ACAP2: variants seen among roughly 807,000 people sequenced by gnomAD.
The protein encoded by ACAP2 is arf-GAP with coiled-coil, ANK repeat and PH domain-containing protein 2.
Under a neutral mutation model 115.8 loss-of-function variants are expected in ACAP2, and 39 were observed. That is an observed-to-expected ratio of 0.34 (90% CI 0.26 to 0.44). The LOEUF is 0.44. Ranked by LOEUF, ACAP2 falls within the 20% of genes least tolerant of loss-of-function variation. The pLI is 1.00. For synonymous variants in ACAP2, 289 were observed against 315.8 expected (o/e 0.92, Z 0.90); for missense variants, 662 against 927.6 (o/e 0.71, Z 3.72).
intron 4 of ACAP2, among the ~76,000 whole-genome samples, chr3:195,347,917 C>T (rs1731288625): frequency 6.6e-6 from 1 of 151,952 alleles, no homozygotes; most frequent in African/African-American, 2.4e-5. Context: ...GAGACTAAGG[C>T]AAGAGAATCA....
intron 4 of ACAP2, among the ~76,000 whole-genome samples, chr3:195,369,992 C>T (rs140290994): frequency 6.6e-6 from 1 of 152,256 alleles, no homozygotes; most frequent in African/African-American, 2.4e-5. Context: ...TTTTGAGTTG[C>T]ATTTCTCTAA....
intron 10 of ACAP2, among the ~76,000 whole-genome samples, chr3:195,317,786 A>G (rs1729192961): frequency 6.6e-6 from 1 of 152,130 alleles, no homozygotes; most frequent in South Asian, 2.1e-4. Context: ...AAAAAATCCT[A>G]TTTCCTAAAA....
intron 1 of ACAP2, among the ~76,000 whole-genome samples, chr3:195,435,626 G>C (rs1262098770): frequency 4.6e-5 from 7 of 152,130 alleles, no homozygotes; most frequent in African/African-American, 1.7e-4. Context: ...TTACTTAGAA[G>C]TGTACTGCTA....
intron 15 of ACAP2, among the ~76,000 whole-genome samples, chr3:195,299,491 C>T (rs1264173167): frequency 1.3e-5 from 2 of 148,968 alleles, no homozygotes; most frequent in Non-Finnish European, 3.0e-5. Flanking sequence ...TGCAGTGAGC[C>T]GAGATTGCAC....
intron 1 of ACAP2, among the ~76,000 whole-genome samples, chr3:195,432,445 A>C (rs1045835884): frequency 6.6e-6 from 1 of 152,208 alleles, no homozygotes; most frequent in African/African-American, 2.4e-5. Context: ...TCAAAAGACT[A>C]TTCTTTCACG....
intron 10 of ACAP2, among the ~76,000 whole-genome samples, chr3:195,320,103 T>C (rs1729353343): frequency 6.6e-6 from 1 of 152,202 alleles, no homozygotes. Context: ...AGAAGATGCC[T>C]GCTTTCCCTT....
intron 2 of ACAP2, among the ~76,000 whole-genome samples, chr3:195,384,267 G>A (rs939485192): frequency 2.0e-5 from 3 of 152,078 alleles, no homozygotes; most frequent in Non-Finnish European, 2.9e-5. Context: ...GCCATGAAAG[G>A]TAATACAATT....
Position 195,279,291 on chromosome 3 carries a change from G to A in ACAP2, c.*37C>T. The A allele has an allele frequency of 7.1e-7, 1 of 1,418,318 alleles. No homozygotes were observed. Among genetic ancestry groups the A allele is most frequent in the Non-Finnish European group, 9.9e-7 (1 of 1,013,242 alleles). The allele number at this position is 1,418,318 out of a possible 1,614,324, so 87.9% of individuals were successfully genotyped here. ...ATTTTTTAGCTGTATACATTAGGGG[G>A]TCACCAGATTTCATATTTTCCCATT... is the stretch of plus-strand genomic sequence containing the variant. On this transcript the variant is annotated 3_prime_UTR_variant, in exon 23 of 23. Coordinates refer to ENST00000326793, the MANE Select transcript of ACAP2 (RefSeq NM_012287.6).
intron 13 of ACAP2, among the ~76,000 whole-genome samples, chr3:195,302,905 C>G (rs1359678354): frequency 1.3e-5 from 2 of 151,926 alleles, no homozygotes. Flanking sequence ...GGCAACAGAG[C>G]AAGAGCCTGT....
intron 4 of ACAP2, among the ~76,000 whole-genome samples, chr3:195,378,515 C>CAAAAA (rs61041295): frequency 6.8e-6 from 1 of 148,014 alleles, no homozygotes; most frequent in East Asian, 2.0e-4. Context: ...AACAAACAAA[C>CAAAAA]AAAAAAAAAC....
At chr3:195,370,822 G>C (rs903334490) in intron 4 of ACAP2, among the ~76,000 whole-genome samples, 1 of 151,930 alleles carries the variant, frequency 6.6e-6, no homozygotes, top group African/African-American at 2.4e-5. Flanking sequence ...TATGGTGGTG[G>C]GCACCTGTAA....
Position 195,389,187 on chromosome 3 carries a change from G to A in ACAP2, c.111+2903C>T, listed in dbSNP as rs111494450. On this transcript the variant is annotated intron_variant, in intron 2 of 22. Transcript: ENST00000326793. ...CTTTGGGTAAGACAGACTCTAGAAC[G>A]GGCTTATAGTTCTTAGCACTCAATG... Among the ~76,000 whole-genome samples the A allele has an allele frequency of 2.6e-4, 39 of 152,194 alleles. 1 individual carries two copies. The highest frequency in any genetic ancestry group is 8.7e-4 in the African/African-American group (36 of 41,520).
At chr3:195,383,572 G>GT (rs1055803600) in intron 2 of ACAP2, among the ~76,000 whole-genome samples, 108 of 146,302 alleles carry the variant, frequency 7.4e-4, no homozygotes, top group Admixed American at 2.9e-3. Flanking sequence ...AAAAGAGAAG[G>GT]TTTTTTTTTT....
intron 10 of ACAP2, among the ~76,000 whole-genome samples, chr3:195,313,674 T>C (rs751266385): frequency 6.6e-5 from 10 of 152,198 alleles, no homozygotes; most frequent in Non-Finnish European, 1.2e-4. Flanking sequence ...AAATCCTGTG[T>C]AGTACCTTCT....
rs563551965 is a variant in ACAP2, at chr3:195,422,065, G to A, written c.53+20730C>T. 8.6e-5 allele frequency among the ~76,000 whole-genome samples: 13 copies of A among 151,322 alleles called. No individual in the cohort carries two copies. The East Asian group carries it at 1.6e-3, about 18-fold the overall frequency. ...CCTTCCAGTTCATTTTTTGTGTATC[G>A]AAAAAAAATGAGGTATCAGAGGTTA... On this transcript the variant is annotated intron_variant, in intron 1 of 22. Coordinates refer to ENST00000326793, the MANE Select transcript of ACAP2 (RefSeq NM_012287.6).
intron 21 of ACAP2, among the ~76,000 whole-genome samples, chr3:195,288,174 G>A (rs957735932): frequency 1.1e-4 from 17 of 152,024 alleles, no homozygotes; most frequent in African/African-American, 3.9e-4. Flanking sequence ...TAGCATAAAT[G>A]GCTAAGAACA....
At chr3:195,298,274 G>A (rs1480616059) in intron 15 of ACAP2, among the ~76,000 whole-genome samples, 2 of 70,106 alleles carry the variant, frequency 2.9e-5, no homozygotes, top group Non-Finnish European at 5.6e-5. Context: ...TTTTTTTTTT[G>A]AGACAGAGTC....
At position 195,404,408 on chromosome 3, in the gene ACAP2, A is replaced by G. The variant is rs146976652; in HGVS notation, c.54-12261T>C. Among the ~76,000 whole-genome samples, 752 of 152,312 alleles carry G rather than the reference A, an allele frequency of 4.9e-3. 16 individuals carry two copies. Among genetic ancestry groups the G allele is most frequent in the Admixed American group, 0.04 (609 of 15,290 alleles). ...CCAAAAATGTGCTTCTAAGGAAGAGATAAAATATTTTTAAATATCCCAGAA... is the reference window on the plus strand; with the variant it reads ...CCAAAAATGTGCTTCTAAGGAAGAGGTAAAATATTTTTAAATATCCCAGAA... On this transcript the variant is annotated intron_variant, in intron 1 of 22. Coordinates refer to ENST00000326793, the MANE Select transcript of ACAP2 (RefSeq NM_012287.6).
intron 4 of ACAP2, 25 bp from the exon 5 acceptor site, chr3:195,345,342 G>A: frequency 6.9e-7 from 1 of 1,457,174 alleles, no homozygotes. Flanking sequence ...GTAATATTAA[G>A]TGATTAGAAA....
Sources: gnomAD v4.1 joint callset for allele counts (sites outside exome capture counted in the v4.1 genomes callset) on GRCh38, gnomAD v4.1.1 for gene constraint, MANE v1.5 for transcripts, NCBI Gene and HGNC (gene_info 2026-07-23, HGNC 2026-07-21) for gene names.